Variants in ENPP6 observed in about 807,000 individuals in gnomAD.
ENPP6 encodes glycerophosphocholine cholinephosphodiesterase ENPP6.
Under a neutral mutation model 42.0 loss-of-function variants are expected in ENPP6, and 32 were observed. The ratio of observed to expected loss-of-function variants is 0.76; its 90% confidence interval spans 0.58 to 1.02. The LOEUF (loss-of-function observed/expected upper bound fraction) is 1.02. Ranked by LOEUF, ENPP6 falls within the 50% of genes least tolerant of loss-of-function variation. The pLI is 0.00. For synonymous variants in ENPP6, 213 were observed against 216.0 expected (o/e 0.99, Z 0.12); for missense variants, 552 against 566.8 (o/e 0.97, Z 0.27).
intron 6 of ENPP6, among the ~76,000 whole-genome samples, chr4:184,106,845 G>C (rs373803054): frequency 6.6e-6 from 1 of 152,154 alleles, no homozygotes; most frequent in Admixed American, 6.5e-5. Context: ...CGCTGTAGTC[G>C]GCACTCAGCA....
intron 2 of ENPP6, among the ~76,000 whole-genome samples, chr4:184,152,597 T>C (rs1452482356): frequency 6.6e-6 from 1 of 152,174 alleles, no homozygotes; most frequent in Admixed American, 6.5e-5. Flanking sequence ...AAAGTGTCTA[T>C]TGCCACGGGC....
At chr4:184,097,411 G>T in intron 6 of ENPP6, 43 bp from the exon 7 acceptor site, 2 of 1,608,570 alleles carry the variant, frequency 1.2e-6, no homozygotes, top group South Asian at 1.1e-5. Context: ...CGTCCTGACC[G>T]TGGCGCTGAG....
chr4:184,128,004 A>G (rs1244966934), intron 2 of ENPP6, among the ~76,000 whole-genome samples: 1 of 152,176 alleles, frequency 6.6e-6, no homozygotes, highest in African/African-American at 2.4e-5. Context: ...GATTTAAAAG[A>G]TTTGAAAATA....
intron 2 of ENPP6, among the ~76,000 whole-genome samples, chr4:184,133,660 C>T (rs1400966610): frequency 6.6e-6 from 1 of 151,352 alleles, no homozygotes; most frequent in African/African-American, 2.4e-5. Flanking sequence ...TACCATAGTC[C>T]TGAACGCATT....
At chr4:184,206,125 G>A (rs563257652) in intron 1 of ENPP6, among the ~76,000 whole-genome samples, 1 of 152,272 alleles carries the variant, frequency 6.6e-6, no homozygotes, top group African/African-American at 2.4e-5. Context: ...ACAAGCTGGG[G>A]CAATGTCCCC....
At chr4:184,105,965 A>G (rs1736082994) in intron 6 of ENPP6, among the ~76,000 whole-genome samples, 1 of 152,148 alleles carries the variant, frequency 6.6e-6, no homozygotes, top group Non-Finnish European at 1.5e-5. Context: ...TACCCTGAAG[A>G]TGATGGATCA....
chr4:184,129,304 ACACAC>A, intron 2 of ENPP6, among the ~76,000 whole-genome samples: 1 of 151,622 alleles, frequency 6.6e-6, no homozygotes, highest in East Asian at 1.9e-4. Context: ...ACACACACAC[ACACAC>A]ACACACACAC....
At chr4:184,129,797 A>G (rs1222016971) in intron 2 of ENPP6, among the ~76,000 whole-genome samples, 1 of 152,236 alleles carries the variant, frequency 6.6e-6, no homozygotes, top group East Asian at 1.9e-4. Context: ...TGAAAGAAAA[A>G]AGCTACAAAA....
intron 2 of ENPP6, among the ~76,000 whole-genome samples, chr4:184,151,665 G>A (rs6820681): frequency 0.89 from 134,864 of 152,212 alleles, 60,039 homozygotes; most frequent in East Asian, 0.93. Context: ...ATTTGTTTCC[G>A]GGTGGTCCCT....
intron 6 of ENPP6, among the ~76,000 whole-genome samples, chr4:184,105,767 T>C (rs1176127143): frequency 2.0e-5 from 3 of 152,208 alleles, no homozygotes; most frequent in Non-Finnish European, 2.9e-5. Flanking sequence ...TAGGGAGCTC[T>C]TTCCAAAGTC....
intron 2 of ENPP6, among the ~76,000 whole-genome samples, chr4:184,132,537 C>T (rs1488485498): frequency 1.1e-4 from 17 of 151,914 alleles, no homozygotes. Flanking sequence ...ATTTTAATGA[C>T]TTCATCAGTC....
Position 184,217,593 on chromosome 4 carries a change from T to C in ENPP6, c.227A>G (p.Tyr76Cys). Reference protein sequence around the residue: ...DFPSLSYPNYYTLMTGRHCEV... With the variant: ...DFPSLSYPNYCTLMTGRHCEV... ...ATGGTACTCACCAGTCATTAGGGTA[T>C]AATAATTGGGATACGAGAGACTAGG... The change falls in exon 1 of 8, where the codon TAT becomes TGT. Residue 76 changes from tyrosine to cysteine, a missense_variant. By Grantham distance (194) the Tyr-to-Cys change is radical. Coordinates refer to ENST00000296741, the MANE Select transcript of ENPP6 (RefSeq NM_153343.4). 1.2e-6 allele frequency: 2 copies of C among 1,614,204 alleles called. No individual in the cohort carries two copies. The highest frequency in any genetic ancestry group is 1.7e-6 in the Non-Finnish European group (2 of 1,180,026).
In ENPP6 at chr4:184,179,761, C is replaced by T. The variant is rs570343506; in HGVS notation, c.242-26028G>A. ...TATATGGAAATTGAGCAACCTGCTC[C>T]TGAATGACTCCTGGGTAAATCATGA... On this transcript the variant is annotated intron_variant, in intron 1 of 7. Transcript: ENST00000296741. 2.1e-3 allele frequency among the ~76,000 whole-genome samples: 319 copies of T among 152,308 alleles called. 13 individuals carry two copies. The South Asian group carries it at 0.063, about 30-fold the overall frequency.
intron 4 of ENPP6, among the ~76,000 whole-genome samples, 185 bp downstream of exon 4, chr4:184,117,574 G>A (rs1174588282): frequency 2.0e-5 from 3 of 152,226 alleles, no homozygotes; most frequent in East Asian, 1.9e-4. Flanking sequence ...TGGCCTGGCT[G>A]TGGAACAAAG....
chr4:184,139,076 C>A lies in ENPP6; in HGVS notation c.421+14478G>T, dbSNP rs535856803. ...CATGTGTCTCTGAGAAGGGATGGGA[C>A]TGCAACCCAAGTGGATGGAGACTGG... On this transcript the variant is annotated intron_variant, in intron 2 of 7. Transcript: ENST00000296741. 1.2e-3 allele frequency among the ~76,000 whole-genome samples: 190 copies of A among 152,334 alleles called. 1 individual carries two copies. The South Asian group carries it at 0.038, about 31-fold the overall frequency.
intron 2 of ENPP6, among the ~76,000 whole-genome samples, chr4:184,131,259 T>TCTTTCTCTTCCTTCCTTCCTTCCTTC: frequency 1.4e-5 from 1 of 73,280 alleles, no homozygotes; most frequent in Non-Finnish European, 2.8e-5. Flanking sequence ...TTTCTCTTTC[T>TCTTTCTCTTCCTTCCTTCCTTCCTTC]CTTCCTTCCT....
chr4:184,196,367 C>T (rs1211981183), intron 1 of ENPP6, among the ~76,000 whole-genome samples: 2 of 152,178 alleles, frequency 1.3e-5, no homozygotes, highest in African/African-American at 4.8e-5. Flanking sequence ...GGACAGAGGC[C>T]ATGTCCTGGC....
chr4:184,089,667 G>A lies in ENPP6; in HGVS notation c.*1510C>T, dbSNP rs1735753628. The A allele has an allele frequency of 6.6e-6, 1 of 151,940 alleles. No individual in the cohort carries two copies. The highest frequency in any genetic ancestry group is 2.4e-5 in the African/African-American group (1 of 41,356). The allele number at this position is 151,940 out of a possible 1,614,324, so 9.4% of individuals were successfully genotyped here. On this transcript the variant is annotated 3_prime_UTR_variant, in exon 8 of 8. Transcript: ENST00000296741. Reference sequence around the variant, plus strand: ...ATTTTTTAAAAATCTTTTATGTTTTGTAGAGATGGGGGTCGCCCTGTGTTG... The same window carrying A: ...ATTTTTTAAAAATCTTTTATGTTTTATAGAGATGGGGGTCGCCCTGTGTTG...
intron 1 of ENPP6, among the ~76,000 whole-genome samples, chr4:184,195,269 C>G (rs371058880): frequency 1.3e-5 from 2 of 152,254 alleles, no homozygotes; most frequent in African/African-American, 4.8e-5. Flanking sequence ...TCCTGATCCT[C>G]TCCCTCCTCC....
Sources: allele counts gnomAD v4.1 joint callset (sites outside exome capture counted in the v4.1 genomes callset), GRCh38; gene constraint gnomAD v4.1.1; transcripts MANE v1.5; gene names NCBI Gene and HGNC (gene_info 2026-07-23, HGNC 2026-07-21).